The following FMN1 variants were observed in gnomAD, a reference collection of about 807,000 sequenced individuals.
FMN1 encodes the protein formin 1.
FMN1 carries 110 observed loss-of-function variants against 132.4 expected under a neutral mutation model. The observed-to-expected ratio is 0.83, with a 90% CI of 0.71 to 0.97. FMN1 has a LOEUF of 0.97. Ranked by LOEUF, FMN1 falls within the 50% of genes least tolerant of loss-of-function variation. The pLI is 0.00. For synonymous variants in FMN1, 722 were observed against 651.7 expected (o/e 1.11, Z -1.64); for missense variants, 1,792 against 1,705.3 (o/e 1.05, Z -0.90).
At chr15:33,150,586 A>G (rs958716946) in intron 4 of FMN1, 1 of 985,468 alleles carries the variant, frequency 1.0e-6, no homozygotes, top group Admixed American at 6.1e-5. Flanking sequence ...TGGTAATGTC[A>G]GCTTTAACTG....
intron 7 of FMN1, among the ~76,000 whole-genome samples, chr15:32,982,480 C>G (rs776321759): frequency 6.6e-6 from 1 of 152,188 alleles, no homozygotes; most frequent in South Asian, 2.1e-4. Context: ...TTTTTGGTAG[C>G]TTTATCAATA....
At chr15:33,109,984 C>G (rs533124010) in intron 4 of FMN1, among the ~76,000 whole-genome samples, 1 of 152,072 alleles carries the variant, frequency 6.6e-6, no homozygotes, top group African/African-American at 2.4e-5. Flanking sequence ...CAGCAAGTTC[C>G]CATTAAATAT....
At chr15:32,993,423 A>T (rs1267609293) in intron 7 of FMN1, among the ~76,000 whole-genome samples, 1 of 152,066 alleles carries the variant, frequency 6.6e-6, no homozygotes, top group African/African-American at 2.4e-5. Flanking sequence ...AAACAAACAG[A>T]ACTGTGTTAT....
chr15:32,906,091 C>A (rs2060417909), intron 12 of FMN1, among the ~76,000 whole-genome samples: 1 of 152,150 alleles, frequency 6.6e-6, no homozygotes, highest in East Asian at 1.9e-4. Flanking sequence ...TACCTGCTAC[C>A]ATTATCTAAG....
At chr15:32,979,748 G>C (rs558362925) in intron 7 of FMN1, among the ~76,000 whole-genome samples, 558 of 50,148 alleles carry the variant, frequency 0.011, 3 homozygotes, top group African/African-American at 0.031. Flanking sequence ...AGAAAACCCA[G>C]GACCTACCAT....
intron 6 of FMN1, among the ~76,000 whole-genome samples, chr15:33,036,154 C>A (rs918815228): frequency 6.6e-5 from 10 of 152,162 alleles, no homozygotes; most frequent in Admixed American, 6.5e-5. Flanking sequence ...AAGCGACATA[C>A]AACAGGCTAA....
chr15:33,116,728 G>A (rs1415039673), intron 4 of FMN1, among the ~76,000 whole-genome samples: 2 of 151,042 alleles, frequency 1.3e-5, no homozygotes, highest in African/African-American at 2.4e-5. Flanking sequence ...ATTATAAGAT[G>A]CGAAAACAAA....
chr15:32,785,409 C>T lies in FMN1; in HGVS notation c.4131-8490G>A, dbSNP rs539305235. ...AAAAGGAATTTAGGCTGATGACTGG[C>T]GTCTGGACACAACAGGTCTCAAATC... On this transcript the variant is annotated intron_variant, in intron 19 of 20. Coordinates refer to ENST00000616417, the MANE Select transcript of FMN1 (RefSeq NM_001277313.2). Among the ~76,000 whole-genome samples the T allele has an allele frequency of 6.7e-4, 101 of 151,046 alleles. 2 individuals carry two copies. The South Asian group carries it at 7.1e-3, about 11-fold the overall frequency.
intron 4 of FMN1, among the ~76,000 whole-genome samples, chr15:33,121,483 C>G (rs748615633): frequency 6.6e-6 from 1 of 152,138 alleles, no homozygotes; most frequent in Admixed American, 6.5e-5. Context: ...AATCATTTGT[C>G]TATTACACCA....
intron 5 of FMN1, among the ~76,000 whole-genome samples, chr15:33,080,562 G>C (rs1436611694): frequency 6.6e-6 from 1 of 152,106 alleles, no homozygotes; most frequent in Admixed American, 6.5e-5. Context: ...AGACCAGCCT[G>C]GCCAATGTAG....
chr15:32,961,554 T>A (rs968287717), intron 9 of FMN1, among the ~76,000 whole-genome samples: 1 of 152,154 alleles, frequency 6.6e-6, no homozygotes, highest in East Asian at 1.9e-4. Flanking sequence ...TTTCTGCTAC[T>A]ATTAAAAATA....
chr15:33,069,957 GA>G (rs1442415336), intron 5 of FMN1, among the ~76,000 whole-genome samples: 1 of 132,850 alleles, frequency 7.5e-6, no homozygotes, highest in East Asian at 2.6e-4. Flanking sequence ...GTAGAAAGAA[GA>G]AATGATCACA....
At chr15:33,066,517 G>A (rs1247508056) in intron 5 of FMN1, 12 of 1,537,814 alleles carry the variant, frequency 7.8e-6, no homozygotes, top group Non-Finnish European at 9.6e-6. Flanking sequence ...ATACACTTTT[G>A]GAATCAGAGG....
chr15:33,062,891 G>A lies in FMN1; in HGVS notation c.2161+2066C>T, dbSNP rs544083384. 158 of 152,298 alleles carry A rather than the reference G, an allele frequency of 1.0e-3. 1 individual carries two copies. Among genetic ancestry groups the A allele is most frequent in the African/African-American group, 3.6e-3 (151 of 41,572 alleles). 9.4% of individuals were successfully genotyped at this position (152,298 alleles called of 1,614,324 possible). On this transcript the variant is annotated intron_variant, in intron 6 of 20. Coordinates refer to ENST00000616417, the MANE Select transcript of FMN1 (RefSeq NM_001277313.2). ...CATTAAAATGAAGTAGTTTTCTACA[G>A]AGCAAGCCTCGAATAATAGCTGTAT...
intron 9 of FMN1, among the ~76,000 whole-genome samples, chr15:32,930,189 G>A (rs955764771): frequency 4.0e-5 from 6 of 151,870 alleles, no homozygotes; most frequent in African/African-American, 9.6e-5. Flanking sequence ...GGGTTTCACC[G>A]TGTTAGCCAG....
intron 16 of FMN1, among the ~76,000 whole-genome samples, chr15:32,882,816 AC>A (rs10708291): frequency 0.29 from 43,652 of 152,130 alleles, 6,880 homozygotes; most frequent in African/African-American, 0.42. Flanking sequence ...GTAAGGAAGA[AC>A]CATTTTGCTT....
chr15:32,979,956 A>C (rs1160777660), intron 7 of FMN1, among the ~76,000 whole-genome samples: 1 of 152,166 alleles, frequency 6.6e-6, no homozygotes, highest in Non-Finnish European at 1.5e-5. Context: ...CATGGATCAC[A>C]ATCACCTTCT....
In FMN1 at chr15:32,987,795, C is replaced by G. The variant is rs186622167; in HGVS notation, c.2224-18318G>C. 2.8e-3 allele frequency among the ~76,000 whole-genome samples: 433 copies of G among 152,174 alleles called. 3 individuals carry two copies. Among genetic ancestry groups the G allele is most frequent in the African/African-American group, 9.8e-3 (409 of 41,528 alleles). On this transcript the variant is annotated intron_variant, in intron 7 of 20. Coordinates refer to ENST00000616417, the MANE Select transcript of FMN1 (RefSeq NM_001277313.2). ...CATAGAATTAAATCCGAATATTTAC[C>G]TATGAAGAAACACTTAACAGGCCAG...
At chr15:32,813,471 G>T (rs1262999276) in intron 17 of FMN1, among the ~76,000 whole-genome samples, 1 of 152,098 alleles carries the variant, frequency 6.6e-6, no homozygotes, top group Admixed American at 6.5e-5. Flanking sequence ...TTGCCCCAAG[G>T]TAAGTCTTTC....
Sources: allele counts gnomAD v4.1 joint callset (sites outside exome capture counted in the v4.1 genomes callset), GRCh38; gene constraint gnomAD v4.1.1; transcripts MANE v1.5; gene names NCBI Gene and HGNC (gene_info 2026-07-23, HGNC 2026-07-21).